Variants in IMMP2L observed in about 807,000 individuals in gnomAD.
IMMP2L encodes inner mitochondrial membrane peptidase subunit 2.
Under a neutral mutation model 19.3 loss-of-function variants are expected in IMMP2L, and 18 were observed. The observed-to-expected ratio is 0.93, with a 90% confidence interval of 0.64 to 1.38. The LOEUF (loss-of-function observed/expected upper bound fraction) is 1.38. Ranked by LOEUF, IMMP2L falls within the 40% of genes most tolerant of loss-of-function variation. The pLI, the probability that IMMP2L is intolerant of heterozygous loss-of-function variation, is 0.00. For missense variants in IMMP2L, 233 were observed against 218.2 expected (o/e 1.07, Z -0.43); for synonymous variants, 76 against 73.0 (o/e 1.04, Z -0.21).
chr7:110,900,172 C>T (rs762036957), intron 4 of IMMP2L, among the ~76,000 whole-genome samples: 10 of 152,108 alleles, frequency 6.6e-5, no homozygotes, highest in Non-Finnish European at 1.0e-4. Context: ...TAAAGTGAAT[C>T]GTTGAAAGAT....
intron 3 of IMMP2L, among the ~76,000 whole-genome samples, chr7:111,053,669 T>C (rs917805520): frequency 6.6e-6 from 1 of 152,188 alleles, no homozygotes; most frequent in African/African-American, 2.4e-5. Flanking sequence ...GCTTTGTTCA[T>C]GCCTGATTAG....
intron 3 of IMMP2L, among the ~76,000 whole-genome samples, chr7:111,463,455 T>C (rs1005800567): frequency 2.0e-5 from 3 of 152,072 alleles, no homozygotes; most frequent in Non-Finnish European, 4.4e-5. Context: ...AATTTCTAGC[T>C]TCAAGTTGGC....
rs142642290 is a variant in IMMP2L, at chr7:110,812,916, T to G, written c.408+73677A>C. ...AATCAAGCAAATGCCAAGTCTGTTT[T>G]TATTAAAATATACATACATTCACAC... On this transcript the variant is annotated intron_variant, in intron 5 of 5. Coordinates refer to ENST00000405709, the MANE Select transcript of IMMP2L (RefSeq NM_032549.4). 2.0e-5 allele frequency among the ~76,000 whole-genome samples: 3 copies of G among 152,186 alleles called. No homozygotes were observed. The East Asian group carries it at 5.8e-4, about 30-fold the overall frequency.
chr7:111,561,085 C>T (rs1192206966), intron 1 of IMMP2L, among the ~76,000 whole-genome samples: 1 of 152,124 alleles, frequency 6.6e-6, no homozygotes, highest in African/African-American at 2.4e-5. Context: ...GTGAGAGGAG[C>T]TGTGTTTCAT....
At chr7:110,691,090 C>T (rs987180989) in intron 5 of IMMP2L, among the ~76,000 whole-genome samples, 2 of 152,038 alleles carry the variant, frequency 1.3e-5, no homozygotes, top group Non-Finnish European at 2.9e-5. Flanking sequence ...GCTATAGTAA[C>T]CTTGTAGTAG....
chr7:110,793,852 A>C (rs1004129050), intron 5 of IMMP2L, among the ~76,000 whole-genome samples: 30 of 152,272 alleles, frequency 2.0e-4, no homozygotes, highest in African/African-American at 6.3e-4. Flanking sequence ...TAATTATTAA[A>C]AAATTTATAT....
At chr7:111,208,438 G>A (rs767520910) in intron 3 of IMMP2L, among the ~76,000 whole-genome samples, 2 of 152,142 alleles carry the variant, frequency 1.3e-5, no homozygotes, top group Non-Finnish European at 2.9e-5. Flanking sequence ...TTTTGTGGCT[G>A]AATTACCACA....
At chr7:110,696,402 T>C (rs1793876999) in intron 5 of IMMP2L, among the ~76,000 whole-genome samples, 1 of 150,304 alleles carries the variant, frequency 6.7e-6, no homozygotes, top group Non-Finnish European at 1.5e-5. Flanking sequence ...AATAAGTATC[T>C]GCACTGAGAC....
At chr7:110,913,286 G>A (rs1813253748) in intron 4 of IMMP2L, among the ~76,000 whole-genome samples, 1 of 152,042 alleles carries the variant, frequency 6.6e-6, no homozygotes, top group South Asian at 2.1e-4. Context: ...TGCGCATCAA[G>A]GGACCAAAAG....
intron 3 of IMMP2L, among the ~76,000 whole-genome samples, chr7:111,155,608 T>C (rs1804552402): frequency 6.9e-6 from 1 of 145,724 alleles, no homozygotes; most frequent in African/African-American, 2.5e-5. Flanking sequence ...ATATATATAA[T>C]TGCACATAAA....
At chr7:111,259,974 C>T (rs1047296382) in intron 3 of IMMP2L, among the ~76,000 whole-genome samples, 5 of 152,064 alleles carry the variant, frequency 3.3e-5, no homozygotes, top group East Asian at 1.9e-4. Context: ...TCTTCAGGGG[C>T]AAAAACATGC....
intron 3 of IMMP2L, among the ~76,000 whole-genome samples, chr7:111,091,872 CAG>C (rs1037923829): frequency 6.6e-6 from 1 of 151,722 alleles, no homozygotes; most frequent in East Asian, 1.9e-4. Context: ...AGAGAGAAGA[CAG>C]AGAGGAGACA....
chr7:111,175,673 A>G, intron 3 of IMMP2L, among the ~76,000 whole-genome samples: 1 of 151,796 alleles, frequency 6.6e-6, no homozygotes, highest in South Asian at 2.1e-4. Context: ...CTATGAAATT[A>G]TTCCAAGAAA....
intron 3 of IMMP2L, among the ~76,000 whole-genome samples, chr7:111,285,287 C>T (rs2130748602): frequency 6.6e-6 from 1 of 152,238 alleles, no homozygotes; most frequent in South Asian, 2.1e-4. Flanking sequence ...CTAAGCAGGA[C>T]ACCCTGTGAG....
At chr7:111,388,490 A>G (rs1832009570) in intron 3 of IMMP2L, among the ~76,000 whole-genome samples, 1 of 152,086 alleles carries the variant, frequency 6.6e-6, no homozygotes, top group Middle Eastern at 3.2e-3. Flanking sequence ...GTATATGTAT[A>G]TATGTACGTA....
At chr7:110,777,195 A>C (rs1487762879) in intron 5 of IMMP2L, among the ~76,000 whole-genome samples, 1 of 151,958 alleles carries the variant, frequency 6.6e-6, no homozygotes, top group Non-Finnish European at 1.5e-5. Flanking sequence ...TTAAGACTGC[A>C]TTCTTGTGCA....
intron 3 of IMMP2L, among the ~76,000 whole-genome samples, chr7:111,144,015 C>T (rs936411926): frequency 3.9e-5 from 6 of 152,118 alleles, no homozygotes; most frequent in African/African-American, 1.4e-4. Context: ...AGATACACTG[C>T]AACATTGTCA....
chr7:111,301,921 T>TAAAAAAAAAAAAAAAAA (rs59156229), intron 3 of IMMP2L, among the ~76,000 whole-genome samples: 1 of 83,156 alleles, frequency 1.2e-5, no homozygotes. Context: ...TTTCATGCTT[T>TAAAAAAAAAAAAAAAAA]AAAAAAAAAA....
chr7:111,045,341 C>A (rs1792294427), intron 3 of IMMP2L, among the ~76,000 whole-genome samples: 1 of 152,154 alleles, frequency 6.6e-6, no homozygotes, highest in Non-Finnish European at 1.5e-5. Flanking sequence ...ATGACACAAC[C>A]CTAGTCCAAT....
Sources: allele counts gnomAD v4.1 joint callset (sites outside exome capture counted in the v4.1 genomes callset), GRCh38; gene constraint gnomAD v4.1.1; transcripts MANE v1.5; gene names NCBI Gene and HGNC (gene_info 2026-07-23, HGNC 2026-07-21).